Variants in PATJ observed in about 807,000 individuals in gnomAD.
PATJ encodes the protein inaD-like protein.
In PATJ, 190 loss-of-function variants were observed where a neutral mutation model predicts 224.9. The ratio of observed to expected loss-of-function variants is 0.84; its 90% CI spans 0.75 to 0.95. The LOEUF (loss-of-function observed/expected upper bound fraction) is 0.95, where lower values mean the gene tolerates loss of function less well. PATJ is among the 40% of genes least tolerant of loss of function. The pLI, the probability that PATJ is intolerant of heterozygous loss-of-function variation, is 0.00. For missense variants in PATJ, 2,121 were observed against 2,270.3 expected (o/e 0.93, Z 1.34); for synonymous variants, 769 against 820.3 (o/e 0.94, Z 1.07).
At chr1:62,071,551 G>A (rs536642394) in intron 31 of PATJ, among the ~76,000 whole-genome samples, 2 of 144,046 alleles carry the variant, frequency 1.4e-5, no homozygotes, top group South Asian at 4.4e-4. Context: ...GGAGTGCAGT[G>A]GTGCAATCTC....
In PATJ at chr1:61,923,419, C is replaced by T. The variant is rs563549227; in HGVS notation, c.3571-4311C>T. Among the ~76,000 whole-genome samples, 28 of 152,176 alleles carry T rather than the reference C, an allele frequency of 1.8e-4. No homozygotes were observed. In the Middle Eastern group the frequency reaches 0.01, roughly 55 times the overall value. Reference sequence around the variant, plus strand: ...AAATGTGCCCAGCATGCTTTGGGAGCGTACTCTTTTCAAAGTTAGGAGGCC... The same window carrying T: ...AAATGTGCCCAGCATGCTTTGGGAGTGTACTCTTTTCAAAGTTAGGAGGCC... On this transcript the variant is annotated intron_variant, in intron 26 of 43. Coordinates refer to ENST00000642238, the MANE Select transcript of PATJ (RefSeq NM_001350145.3).
intron 20 of PATJ, among the ~76,000 whole-genome samples, chr1:61,868,460 C>G (rs909514827): frequency 1.3e-5 from 2 of 152,114 alleles, no homozygotes; most frequent in Non-Finnish European, 2.9e-5. Context: ...AAGATTCATC[C>G]ATGTTGTAGA....
At chr1:61,911,713 A>ATATATATG (rs1402511935) in intron 25 of PATJ, among the ~76,000 whole-genome samples, 1 of 144,450 alleles carries the variant, frequency 6.9e-6, no homozygotes, top group African/African-American at 2.6e-5. Flanking sequence ...ATATATATAT[A>ATATATATG]TATATCATAT....
At position 61,901,263 on chromosome 1, in the gene PATJ, G is replaced by GT; in HGVS notation, c.3204-12dup. 2.7e-6 allele frequency: 4 copies of GT among 1,475,986 alleles called. No individual in the cohort carries two copies. The highest frequency in any genetic ancestry group is 3.6e-6 in the Non-Finnish European group (4 of 1,116,680). The allele number at this position is 1,475,986 out of a possible 1,614,324, so 91.4% of individuals were successfully genotyped here. On this transcript the variant is annotated intron_variant, in intron 23 of 43. Transcript: ENST00000642238. The stretch of plus-strand genomic sequence containing the variant: ...TTAAACTTGTTGATGAGTGAGTTTT[G>GT]TTTTTTTCCTTTATATAGTGTTGAG...
intron 17 of PATJ, among the ~76,000 whole-genome samples, chr1:61,845,907 C>A (rs1193082618): frequency 6.6e-6 from 1 of 152,130 alleles, no homozygotes; most frequent in Non-Finnish European, 1.5e-5. Flanking sequence ...ATCTGCATAT[C>A]TGGAGGGCAT....
intron 27 of PATJ, among the ~76,000 whole-genome samples, chr1:61,972,780 G>T (rs1683157295): frequency 6.6e-6 from 1 of 152,022 alleles, no homozygotes; most frequent in South Asian, 2.1e-4. Context: ...AAAAGAACCA[G>T]ATGCACAGTT....
In PATJ at chr1:62,139,765, T is replaced by TTC. The variant is rs200655991; in HGVS notation, c.5272-8518_5272-8517insCT. Among the ~76,000 whole-genome samples the TTC allele has an allele frequency of 4.5e-4, 68 of 151,654 alleles. No homozygotes were observed. In the East Asian group the frequency reaches 6.0e-3, roughly 13 times the overall value. ...AGTCTAAAAGTCATTCTTTTTTTTT[T>TTC]TTCTTTTTTTTTGAGACAGGGTCTC... On this transcript the variant is annotated intron_variant, in intron 41 of 43. Transcript: ENST00000642238.
At chr1:62,111,723 C>T (rs540453770) in intron 34 of PATJ, among the ~76,000 whole-genome samples, 59 of 148,052 alleles carry the variant, frequency 4.0e-4, no homozygotes, top group African/African-American at 1.2e-3. Context: ...TGTAACAGCA[C>T]AATCTCTGCT....
Position 61,920,724 on chromosome 1 carries a change from T to C in PATJ, c.3570+6060T>C, listed in dbSNP as rs13376585. Reference sequence around the variant, plus strand: ...ATTCTTTTTTTTTTTTTTTTTTTTTTTGAGACAGAGTCTCGCTCTGTTGCC... The same window carrying C: ...ATTCTTTTTTTTTTTTTTTTTTTTTCTGAGACAGAGTCTCGCTCTGTTGCC... On this transcript the variant is annotated intron_variant, in intron 26 of 43. Transcript: ENST00000642238. 3.1e-3 allele frequency among the ~76,000 whole-genome samples: 444 copies of C among 145,238 alleles called. 1 individual carries two copies. Among genetic ancestry groups the C allele is most frequent in the African/African-American group, 0.011 (425 of 37,184 alleles).
chr1:61,902,942 G>A (rs1349125415), intron 24 of PATJ, among the ~76,000 whole-genome samples: 1 of 152,166 alleles, frequency 6.6e-6, no homozygotes, highest in Admixed American at 6.5e-5. Context: ...ACATGCAAAA[G>A]CTCCGAGGTA....
At chr1:61,971,627 A>G (rs1205416121) in intron 27 of PATJ, among the ~76,000 whole-genome samples, 1 of 152,086 alleles carries the variant, frequency 6.6e-6, no homozygotes, top group Non-Finnish European at 1.5e-5. Flanking sequence ...AATAAAAGAA[A>G]AAAGAAAAAA....
chr1:61,900,186 T>G (rs1408740279), intron 23 of PATJ, among the ~76,000 whole-genome samples: 10 of 152,332 alleles, frequency 6.6e-5, no homozygotes, highest in Middle Eastern at 6.8e-3. Flanking sequence ...AAGTCTTCCT[T>G]TAGCTGCTCT....
At chr1:61,752,914 A>C (rs1262009735) in intron 1 of PATJ, among the ~76,000 whole-genome samples, 1 of 152,192 alleles carries the variant, frequency 6.6e-6, no homozygotes, top group Non-Finnish European at 1.5e-5. Flanking sequence ...TGGTAGGAAC[A>C]CAATGCTAGG....
intron 27 of PATJ, among the ~76,000 whole-genome samples, chr1:61,938,188 A>G (rs1677183679): frequency 6.6e-6 from 1 of 152,182 alleles, no homozygotes; most frequent in African/African-American, 2.4e-5. Flanking sequence ...ATAACAACCA[A>G]AAACGTTTCT....
At chr1:61,924,900 G>A (rs553972501) in intron 26 of PATJ, among the ~76,000 whole-genome samples, 1 of 152,018 alleles carries the variant, frequency 6.6e-6, no homozygotes, top group Non-Finnish European at 1.5e-5. Flanking sequence ...TAGGACCCAA[G>A]ACATGTTCTT....
chr1:61,968,762 A>G (rs1363533625), intron 27 of PATJ, among the ~76,000 whole-genome samples: 2 of 151,276 alleles, frequency 1.3e-5, no homozygotes, highest in Non-Finnish European at 2.9e-5. Context: ...CCCTGTGTCC[A>G]AGTGTTCTCA....
intron 7 of PATJ, among the ~76,000 whole-genome samples, chr1:61,777,248 C>G (rs1240306355): frequency 6.6e-6 from 1 of 152,112 alleles, no homozygotes; most frequent in Non-Finnish European, 1.5e-5. Context: ...TTACCATAAG[C>G]ATGACATTTC....
At chr1:61,821,992 G>T (rs577893457) in intron 14 of PATJ, among the ~76,000 whole-genome samples, 1 of 152,290 alleles carries the variant, frequency 6.6e-6, no homozygotes, top group African/African-American at 2.4e-5. Flanking sequence ...AATCCTCACA[G>T]ACCTAGAATG....
intron 41 of PATJ, among the ~76,000 whole-genome samples, chr1:62,147,785 G>A (rs187473709): frequency 6.7e-5 from 10 of 149,812 alleles, no homozygotes; most frequent in South Asian, 2.1e-4. Context: ...GTGACAGAGC[G>A]AGACTCCGAC....
Sources: gnomAD v4.1 joint callset for allele counts (sites outside exome capture counted in the v4.1 genomes callset) on GRCh38, gnomAD v4.1.1 for gene constraint, MANE v1.5 for transcripts, NCBI Gene and HGNC (gene_info 2026-07-23, HGNC 2026-07-21) for gene names.